OR2V1: variants seen among roughly 807,000 people sequenced by gnomAD.
OR2V1 encodes olfactory receptor family 2 subfamily V member 1.
Under a neutral mutation model 15.0 loss-of-function variants are expected in OR2V1, and 18 were observed. That is an observed-to-expected ratio of 1.20 (90% CI 0.83 to 1.78). The LOEUF (loss-of-function observed/expected upper bound fraction) is 1.78. OR2V1 is among the 40% of genes most tolerant of loss of function. The pLI is 0.00. For missense variants in OR2V1, 359 were observed against 392.9 expected (o/e 0.91, Z 0.73); for synonymous variants, 144 against 146.1 (o/e 0.99, Z 0.10).
rs765160065 is a variant in OR2V1, at chr5:181,124,638, G to C, written c.667C>G (p.Leu223Val). 2 of 1,613,664 alleles carry C rather than the reference G, an allele frequency of 1.2e-6. No homozygotes were observed. The highest frequency in any genetic ancestry group is 2.7e-5 in the African/African-American group (2 of 74,892). The change falls in exon 4 of 4, where the codon CTA becomes GTA. Residue 223 changes from leucine (L) to valine (V), a missense_variant. Leu to Val is a conservative substitution (Grantham distance 32). Transcript: ENST00000641551. ...SIIMASYACI[L>V]GAVLRIRSAQ... ...GAGCGTATTCGGAGCACAGCCCCTA[G>C]GATGCAAGCATAGGAGGCCATGATG... is the stretch of plus-strand genomic sequence containing the variant.
intron 3 of OR2V1, among the ~76,000 whole-genome samples, chr5:181,125,601 C>G (rs766942014): frequency 6.6e-6 from 1 of 152,228 alleles, no homozygotes; most frequent in Non-Finnish European, 1.5e-5. Context: ...CATGGCACTG[C>G]CTCTTAGCTG....
At chr5:181,129,627 G>A (rs190370897) in intron 2 of OR2V1, 52 bp from the exon 3 acceptor site, 2 of 152,304 alleles carry the variant, frequency 1.3e-5, no homozygotes, top group East Asian at 3.9e-4. Context: ...ATTTATTCTT[G>A]CCTCTCACTG....
intron 3 of OR2V1, among the ~76,000 whole-genome samples, chr5:181,127,751 A>G (rs1762896976): frequency 1.3e-5 from 2 of 151,862 alleles, no homozygotes; most frequent in Admixed American, 1.3e-4. Context: ...TCCCACAGCG[A>G]CCAAGCACCA....
At position 181,124,078 on chromosome 5, in the gene OR2V1, A is replaced by C. The variant is rs1223851447; in HGVS notation, c.*279T>G. 1 of 339,858 alleles carries C rather than the reference A, an allele frequency of 2.9e-6. No homozygotes were observed. Among genetic ancestry groups the C allele is most frequent in the Non-Finnish European group, 5.3e-6 (1 of 190,206 alleles). The allele number at this position is 339,858 out of a possible 1,614,324, so 21.1% of individuals were successfully genotyped here. ...TAGTCCAAGGATGTCATAAACAATC[A>C]ACAATGACAATAATAGCAGCCGTTG... On this transcript the variant is annotated 3_prime_UTR_variant, in exon 4 of 4. Coordinates refer to ENST00000641551, the MANE Select transcript of OR2V1 (RefSeq NM_001258283.2).
At chr5:181,127,840 A>G (rs2113328803) in intron 3 of OR2V1, among the ~76,000 whole-genome samples, 2 of 151,462 alleles carry the variant, frequency 1.3e-5, no homozygotes. Flanking sequence ...AGAAGAAGGG[A>G]TGCCCAGCCC....
intron 3 of OR2V1, among the ~76,000 whole-genome samples, chr5:181,128,190 C>T (rs1177049539): frequency 1.0e-5 from 1 of 98,318 alleles, no homozygotes; most frequent in African/African-American, 4.7e-5. Flanking sequence ...CCTGTCCTCT[C>T]CTCACACACA....
intron 3 of OR2V1, among the ~76,000 whole-genome samples, chr5:181,126,019 C>T (rs138535977): frequency 1.3e-5 from 2 of 152,258 alleles, no homozygotes; most frequent in African/African-American, 4.8e-5. Context: ...AAGATCATGG[C>T]AACGTGAGAT....
Position 181,124,326 on chromosome 5 carries a change from A to G in OR2V1, c.*31T>C, listed in dbSNP as rs1244327428. On this transcript the variant is annotated 3_prime_UTR_variant, in exon 4 of 4. Coordinates refer to ENST00000641551, the MANE Select transcript of OR2V1 (RefSeq NM_001258283.2). ...GACTTCCCAATGTGACACAGGCAAGAAGGGGCACAGCAGGCACCAGACTCT... is the reference window on the plus strand; with the variant it reads ...GACTTCCCAATGTGACACAGGCAAGGAGGGGCACAGCAGGCACCAGACTCT... The G allele has an allele frequency of 6.7e-7, 1 of 1,500,012 alleles. No individual in the cohort carries two copies. Among genetic ancestry groups the G allele is most frequent in the East Asian group, 2.3e-5 (1 of 43,232 alleles). 92.9% of individuals were successfully genotyped at this position (1,500,012 alleles called of 1,614,324 possible).
At position 181,124,301 on chromosome 5, in the gene OR2V1, GACTTCCC is replaced by G; in HGVS notation, c.*49_*55del. The G allele has an allele frequency of 7.0e-7, 1 of 1,430,010 alleles. No homozygotes were observed. Among genetic ancestry groups the G allele is most frequent in the Non-Finnish European group, 9.3e-7 (1 of 1,078,624 alleles). The allele number at this position is 1,430,010 out of a possible 1,614,324, so 88.6% of individuals were successfully genotyped here. A position where few individuals can be genotyped will look rare whatever the true frequency, so the allele number is the denominator to read the frequency against. On this transcript the variant is annotated 3_prime_UTR_variant, in exon 4 of 4. Transcript: ENST00000641551. ...AAACAGACACTCACAAAGGTTGAGT[GACTTCCC>G]AATGTGACACAGGCAAGAAGGGGCA...
At chr5:181,126,251 C>T (rs1247758189) in intron 3 of OR2V1, among the ~76,000 whole-genome samples, 1 of 152,188 alleles carries the variant, frequency 6.6e-6, no homozygotes, top group Admixed American at 6.5e-5. Flanking sequence ...CCTGGTCTCC[C>T]AGCTTCTATC....
rs765747295 is a variant in OR2V1 at position 181,123,450 on chromosome 5, ACAG to A, written c.*904_*906del. ...ACTGGTTCCATCCAGAAAGGCGGGG[ACAG>A]CTCGAAGCAGGGAGGGGGCTTCCAG... is the stretch of plus-strand genomic sequence containing the variant. On this transcript the variant is annotated 3_prime_UTR_variant, in exon 4 of 4. Coordinates refer to ENST00000641551, the MANE Select transcript of OR2V1 (RefSeq NM_001258283.2). 1.2e-3 allele frequency: 190 copies of A among 161,028 alleles called. 2 individuals carry two copies. Among genetic ancestry groups the A allele is most frequent in the African/African-American group, 4.4e-3 (183 of 41,680 alleles). 10.0% of individuals were successfully genotyped at this position (161,028 alleles called of 1,614,324 possible). A position where few individuals can be genotyped will look rare whatever the true frequency, so the allele number is the denominator to read the frequency against.
intron 3 of OR2V1, among the ~76,000 whole-genome samples, 161 bp downstream of exon 3, chr5:181,129,359 A>G (rs1762930135): frequency 6.6e-6 from 1 of 152,136 alleles, no homozygotes; most frequent in South Asian, 2.1e-4. Context: ...CGATCACACC[A>G]CTGCACTCCA....
chr5:181,124,558 G>A lies in OR2V1; in HGVS notation c.747C>T (p.Val249=). 1 of 1,613,178 alleles carries A rather than the reference G, an allele frequency of 6.2e-7. No homozygotes were observed. The highest frequency in any genetic ancestry group is 8.5e-7 in the Non-Finnish European group (1 of 1,179,500). ...ACATGGCTGCCCCATAGAAGAGGGT[G>A]ACAGCTGTTAGGTGGGAGGAGCAGG... ...LATCSSHLTA[V]TLFYGAAMFM... is the part of the protein sequence containing the mutation. The change falls in exon 4 of 4, where the codon GTC becomes GTT. Residue 249 remains valine, a synonymous_variant. Coordinates refer to ENST00000641551, the MANE Select transcript of OR2V1 (RefSeq NM_001258283.2).
chr5:181,128,347 C>A (rs954395695), intron 3 of OR2V1, among the ~76,000 whole-genome samples: 1 of 152,184 alleles, frequency 6.6e-6, no homozygotes, highest in East Asian at 1.9e-4. Context: ...GGCAACGGCC[C>A]CAACTGCATT....
chr5:181,129,089 G>A (rs1429158751), intron 3 of OR2V1, among the ~76,000 whole-genome samples: 1 of 152,182 alleles, frequency 6.6e-6, no homozygotes, highest in Non-Finnish European at 1.5e-5. Context: ...AAATTAGCCA[G>A]GCTATTGTGG....
rs754768494 is a variant in OR2V1 at position 181,125,174 on chromosome 5, A to G, written c.131T>C (p.Val44Ala). The change falls in exon 4 of 4, where the codon GTC (valine) becomes GCC (alanine). Residue 44 changes from valine to alanine, a missense_variant. By Grantham distance (64) the Val-to-Ala change is moderately conservative. Transcript: ENST00000641551. ...CAGGTAGATGAGGAAGATGAGGAGG[A>G]CATTCCCACAGAGGGCCACTGTGAA... ...VVFTVALCGN[V>A]LLIFLIYLDA... 5 of 1,614,140 alleles carry G rather than the reference A, an allele frequency of 3.1e-6. No homozygotes were observed. Among genetic ancestry groups the G allele is most frequent in the South Asian group, 2.2e-5 (2 of 91,070 alleles).
chr5:181,126,591 T>C (rs1416046575), intron 3 of OR2V1, among the ~76,000 whole-genome samples: 2 of 151,018 alleles, frequency 1.3e-5, no homozygotes, highest in African/African-American at 4.9e-5. Context: ...AACACATAGA[T>C]ACACGGAGTC....
chr5:181,130,740 G>A (rs1481816079), intron 1 of OR2V1, among the ~76,000 whole-genome samples: 3 of 152,194 alleles, frequency 2.0e-5, no homozygotes, highest in Non-Finnish European at 4.4e-5. Flanking sequence ...TGGGGACAGC[G>A]TGAGGAAACC....
chr5:181,124,438 G>A lies in OR2V1; in HGVS notation c.867C>T (p.Leu289=). The A allele has an allele frequency of 6.2e-7, 1 of 1,613,844 alleles. No homozygotes were observed. Among genetic ancestry groups the A allele is most frequent in the Non-Finnish European group, 8.5e-7 (1 of 1,179,920 alleles). The change falls in exon 4 of 4, where the codon CTC becomes CTT. Residue 289 remains leucine (L), a synonymous_variant. Transcript: ENST00000641551. ...CCTCCCCATTCCTCAAGCTGTAAAT[G>A]AGGGGGTTCAGCATGGGAGTAAGGA... The part of the protein sequence containing the change: ...YTVLTPMLNP[L]IYSLRNGEVM...
Sources: allele counts gnomAD v4.1 joint callset (sites outside exome capture counted in the v4.1 genomes callset), GRCh38; gene constraint gnomAD v4.1.1; transcripts MANE v1.5; gene names NCBI Gene and HGNC (gene_info 2026-07-23, HGNC 2026-07-21).